ZFPM2: variants seen among roughly 807,000 people sequenced by gnomAD.
ZFPM2 encodes the protein zinc finger protein, FOG family member 2, also known as zinc finger protein ZFPM2.
In ZFPM2, 20 loss-of-function variants were observed where a neutral mutation model predicts 98.6. That is an observed-to-expected ratio of 0.20 (90% CI 0.14 to 0.29). The LOEUF is 0.29. Among genes scored for constraint, ZFPM2 ranks in the 10% least tolerant of loss-of-function variants. The pLI is 1.00. For synonymous variants in ZFPM2, 518 were observed against 502.7 expected (o/e 1.03, Z -0.41); for missense variants, 1,310 against 1,388.6 (o/e 0.94, Z 0.90).
intron 4 of ZFPM2, among the ~76,000 whole-genome samples, chr8:105,632,314 C>T (rs1193258557): frequency 6.6e-6 from 1 of 152,136 alleles, no homozygotes; most frequent in African/African-American, 2.4e-5. Flanking sequence ...GGATTATGGG[C>T]ATGCACCATC....
intron 4 of ZFPM2, among the ~76,000 whole-genome samples, chr8:105,575,193 C>T (rs1254822013): frequency 6.6e-6 from 1 of 152,044 alleles, no homozygotes; most frequent in South Asian, 2.1e-4. Context: ...AAACAGTGGT[C>T]GGCTCCATTA....
chr8:105,422,825 G>A (rs1811831094), intron 2 of ZFPM2, among the ~76,000 whole-genome samples: 1 of 152,084 alleles, frequency 6.6e-6, no homozygotes, highest in South Asian at 2.1e-4. Flanking sequence ...TTTAGCAACT[G>A]CATTTTATAT....
intron 1 of ZFPM2, among the ~76,000 whole-genome samples, chr8:105,408,120 T>C (rs566945646): frequency 8.5e-5 from 13 of 152,050 alleles, no homozygotes; most frequent in African/African-American, 2.9e-4. Context: ...AGATGCTTCC[T>C]ACAGGTTGCG....
chr8:105,514,800 T>C (rs1813887412), intron 3 of ZFPM2, among the ~76,000 whole-genome samples: 1 of 152,220 alleles, frequency 6.6e-6, no homozygotes, highest in Non-Finnish European at 1.5e-5. Context: ...GTTTGAATTT[T>C]ACTTGTCTTT....
At chr8:105,570,866 A>G (rs986268627) in intron 4 of ZFPM2, among the ~76,000 whole-genome samples, 5 of 152,124 alleles carry the variant, frequency 3.3e-5, no homozygotes, top group African/African-American at 9.7e-5. Context: ...AAACCTATTT[A>G]CCCTTAGTTA....
chr8:105,487,702 G>T (rs574709484), intron 3 of ZFPM2, among the ~76,000 whole-genome samples: 1 of 151,368 alleles, frequency 6.6e-6, no homozygotes, highest in South Asian at 2.1e-4. Context: ...GCACATAATA[G>T]GAATTAAAAA....
At chr8:105,767,964 C>T (rs1161687293) in intron 5 of ZFPM2, among the ~76,000 whole-genome samples, 1 of 151,834 alleles carries the variant, frequency 6.6e-6, no homozygotes, top group African/African-American at 2.4e-5. Context: ...GCATGTCCTC[C>T]AATGAAAGGA....
intron 3 of ZFPM2, among the ~76,000 whole-genome samples, chr8:105,469,883 A>G (rs1812864214): frequency 6.6e-6 from 1 of 152,192 alleles, no homozygotes. Context: ...ACTCGTTCAT[A>G]TAAAGGGCAT....
intron 3 of ZFPM2, among the ~76,000 whole-genome samples, chr8:105,545,780 C>G (rs1042746582): frequency 6.6e-6 from 1 of 152,142 alleles, no homozygotes; most frequent in Admixed American, 6.6e-5. Context: ...GGAAAAAAAT[C>G]TAATGGCAGC....
At chr8:105,411,978 T>C (rs766888076) in intron 1 of ZFPM2, among the ~76,000 whole-genome samples, 11 of 151,798 alleles carry the variant, frequency 7.2e-5, no homozygotes, top group Non-Finnish European at 1.2e-4. Flanking sequence ...CTAAGAAAAA[T>C]TGTTTTCTTG....
intron 5 of ZFPM2, among the ~76,000 whole-genome samples, chr8:105,674,458 T>C (rs1817651505): frequency 6.6e-6 from 1 of 152,212 alleles, no homozygotes; most frequent in Non-Finnish European, 1.5e-5. Context: ...GGAAACCTCA[T>C]AAATCTTTCA....
chr8:105,803,606 A>T lies in ZFPM2; in HGVS notation c.*68A>T. The T allele has an allele frequency of 6.8e-7, 1 of 1,477,912 alleles. No individual in the cohort carries two copies. The highest frequency in any genetic ancestry group is 9.2e-7 in the Non-Finnish European group (1 of 1,085,194). The allele number at this position is 1,477,912 out of a possible 1,614,324, so 91.5% of individuals were successfully genotyped here. A position where few individuals can be genotyped will look rare whatever the true frequency, so the allele number is the denominator to read the frequency against. On this transcript the variant is annotated 3_prime_UTR_variant, in exon 8 of 8. Coordinates refer to ENST00000407775, the MANE Select transcript of ZFPM2 (RefSeq NM_012082.4). ...GTTGTTCTAACCAGTCCAGAAAAAA[A>T]AATAAGCTGTTTGAATTACATCTGG...
chr8:105,592,238 T>TC (rs1563734102), intron 4 of ZFPM2, among the ~76,000 whole-genome samples: 1 of 151,248 alleles, frequency 6.6e-6, no homozygotes, highest in Non-Finnish European at 1.5e-5. Context: ...CCTTCTTTTT[T>TC]CCCCCCTGAT....
chr8:105,768,125 C>A (rs535648456), intron 5 of ZFPM2, among the ~76,000 whole-genome samples: 3 of 149,104 alleles, frequency 2.0e-5, no homozygotes, highest in Non-Finnish European at 3.0e-5. Context: ...TCTCTCTCTC[C>A]GTCTCTCTTT....
intron 1 of ZFPM2, among the ~76,000 whole-genome samples, chr8:105,394,730 C>G (rs1464589135): frequency 3.3e-5 from 5 of 152,180 alleles, no homozygotes; most frequent in South Asian, 2.1e-4. Context: ...CTCCTTGTCT[C>G]ACAGACAGTG....
intron 1 of ZFPM2, among the ~76,000 whole-genome samples, chr8:105,397,041 T>C (rs1022211290): frequency 1.3e-5 from 2 of 152,184 alleles, no homozygotes; most frequent in African/African-American, 4.8e-5. Context: ...ATTTTTATCT[T>C]GATTTAAGGA....
chr8:105,598,294 TAAA>T, intron 4 of ZFPM2, among the ~76,000 whole-genome samples: 1 of 152,168 alleles, frequency 6.6e-6, no homozygotes, highest in East Asian at 1.9e-4. Context: ...ATCATGTAAA[TAAA>T]GAAGAAGGTG....
intron 5 of ZFPM2, among the ~76,000 whole-genome samples, chr8:105,752,270 T>C (rs1226401826): frequency 6.6e-6 from 1 of 152,168 alleles, no homozygotes; most frequent in East Asian, 1.9e-4. Context: ...AATGATGTGA[T>C]TCTAGGGTTT....
At chr8:105,535,809 GTTCATGGAC>G (rs1356297934) in intron 3 of ZFPM2, among the ~76,000 whole-genome samples, 2 of 152,148 alleles carry the variant, frequency 1.3e-5, no homozygotes, top group Non-Finnish European at 2.9e-5. Context: ...AGAGATTTAT[GTTCATGGAC>G]TTCAGTATTC....
Sources: allele counts gnomAD v4.1 joint callset (sites outside exome capture counted in the v4.1 genomes callset), GRCh38; gene constraint gnomAD v4.1.1; transcripts MANE v1.5; gene names NCBI Gene and HGNC (gene_info 2026-07-23, HGNC 2026-07-21).